The following HS6ST2 variants were observed in gnomAD, a reference collection of about 807,000 sequenced individuals.
HS6ST2 encodes the protein heparan sulfate 6-O-sulfotransferase 2.
A neutral mutation model predicts 33.0 loss-of-function variants in HS6ST2; 17 were observed. The ratio of observed to expected loss-of-function variants is 0.52; its 90% confidence interval spans 0.35 to 0.77. The LOEUF is 0.77. HS6ST2 is among the 30% of genes least tolerant of loss of function. The pLI, the probability that HS6ST2 is intolerant of heterozygous loss-of-function variation, is 0.01. For synonymous variants in HS6ST2, 248 were observed against 237.1 expected, an observed-to-expected ratio of 1.05 and a Z score of -0.42; for missense variants, 519 against 551.7, an observed-to-expected ratio of 0.94 and a Z score of 0.59.
intron 2 of HS6ST2, among the ~76,000 whole-genome samples, chrX:132,931,859 G>T (rs1337970206): frequency 2.7e-5 from 3 of 111,193 alleles, no homozygotes; most frequent in Non-Finnish European, 3.8e-5. Flanking sequence ...GCCCTTTTGG[G>T]GTTAGAACAA....
rs752222758 is a variant in HS6ST2, at chrX:132,917,190, T to C, written c.947+39618A>G. 7.2e-5 allele frequency among the ~76,000 whole-genome samples: 8 copies of C among 111,664 alleles called. No homozygotes were observed. In the East Asian group the frequency reaches 2.3e-3, roughly 32 times the overall value. ...GATCTGGGGAACATAGTTTGAAAAC[T>C]ACTGGACTAGAAGATTTCTAGGGGG... is the stretch of plus-strand genomic sequence containing the variant. On this transcript the variant is annotated intron_variant, in intron 2 of 4. Transcript: ENST00000370833.
chrX:132,955,911 G>A (rs2067064824), intron 2 of HS6ST2, among the ~76,000 whole-genome samples: 1 of 112,721 alleles, frequency 8.9e-6, no homozygotes, highest in South Asian at 3.7e-4. Flanking sequence ...AGCGCCCCAT[G>A]CTGGGGCTCA....
chrX:132,771,378 C>T (rs2064897861), intron 2 of HS6ST2, among the ~76,000 whole-genome samples: 1 of 111,546 alleles, frequency 9.0e-6, no homozygotes, highest in African/African-American at 3.3e-5. Context: ...TGAATGGATA[C>T]TACCTACAAA....
intron 2 of HS6ST2, among the ~76,000 whole-genome samples, chrX:132,893,643 G>A (rs1346300425): frequency 1.8e-5 from 2 of 111,819 alleles, no homozygotes; most frequent in Admixed American, 9.5e-5. Flanking sequence ...TTCCCAGGCT[G>A]GGAGACATTC....
At chrX:132,754,462 G>A (rs1172402314) in intron 2 of HS6ST2, among the ~76,000 whole-genome samples, 2 of 106,635 alleles carry the variant, frequency 1.9e-5, no homozygotes, top group Non-Finnish European at 3.9e-5. Context: ...TGTCGCCCAG[G>A]TTGGAGTGCA....
chrX:132,784,304 C>CTTGTTTGT (rs763187044), intron 2 of HS6ST2, among the ~76,000 whole-genome samples: 1 of 110,740 alleles, frequency 9.0e-6, no homozygotes, highest in Non-Finnish European at 1.9e-5. Flanking sequence ...TCTCTTTTTG[C>CTTGTTTGT]TTGTTTGTTT....
At chrX:132,828,815 T>C (rs1363520832) in intron 2 of HS6ST2, among the ~76,000 whole-genome samples, 2 of 102,079 alleles carry the variant, frequency 2.0e-5, no homozygotes, top group Non-Finnish European at 3.9e-5. Context: ...TTTAAGTATA[T>C]ATATGCTGTA....
chrX:132,849,507 C>T (rs961637000), intron 2 of HS6ST2, among the ~76,000 whole-genome samples: 3 of 111,918 alleles, frequency 2.7e-5, no homozygotes, highest in Admixed American at 9.5e-5. Context: ...GTACTGCAAA[C>T]ATTAGCACAA....
chrX:132,913,936 T>C (rs2066559375), intron 2 of HS6ST2, among the ~76,000 whole-genome samples: 1 of 111,753 alleles, frequency 8.9e-6, no homozygotes, highest in Non-Finnish European at 1.9e-5. Flanking sequence ...GGATTATATA[T>C]TGTCCTGGCA....
At chrX:132,718,339 G>A (rs190680116) in intron 2 of HS6ST2, among the ~76,000 whole-genome samples, 4 of 111,644 alleles carry the variant, frequency 3.6e-5, no homozygotes, top group East Asian at 2.8e-4. Context: ...TGAGGTAGGC[G>A]GCATTCTTCT....
intron 3 of HS6ST2, among the ~76,000 whole-genome samples, chrX:132,695,894 T>A (rs2148234743): frequency 8.9e-6 from 1 of 111,893 alleles, no homozygotes; most frequent in South Asian, 3.8e-4. Flanking sequence ...TGGACAAGAA[T>A]ATGCATGGTA....
intron 2 of HS6ST2, among the ~76,000 whole-genome samples, chrX:132,794,533 AC>A (rs1388392870): frequency 9.3e-6 from 1 of 107,231 alleles, no homozygotes; most frequent in Non-Finnish European, 1.9e-5. Context: ...AGCTGGGACT[AC>A]AGGTGCATTT....
intron 4 of HS6ST2, among the ~76,000 whole-genome samples, chrX:132,643,933 G>A (rs962469955): frequency 8.9e-6 from 1 of 111,813 alleles, no homozygotes; most frequent in African/African-American, 3.3e-5. Flanking sequence ...ATCTGCTTGC[G>A]TGCTGCGTGA....
chrX:132,843,388 A>G (rs1424872944), intron 2 of HS6ST2, among the ~76,000 whole-genome samples: 1 of 112,184 alleles, frequency 8.9e-6, no homozygotes, highest in African/African-American at 3.2e-5. Context: ...TTGCAAAGCA[A>G]CAAGAATAAT....
At chrX:132,719,964 G>A (rs1225663631) in intron 2 of HS6ST2, among the ~76,000 whole-genome samples, 1 of 112,427 alleles carries the variant, frequency 8.9e-6, no homozygotes, top group African/African-American at 3.2e-5. Flanking sequence ...CTGTCTGACT[G>A]TGACATCCAA....
chrX:132,841,507 C>T (rs984139100), intron 2 of HS6ST2, among the ~76,000 whole-genome samples: 2 of 111,401 alleles, frequency 1.8e-5, no homozygotes, highest in Non-Finnish European at 3.8e-5. Flanking sequence ...GAAAATGAAG[C>T]TTATTATGGG....
At chrX:132,840,667 T>C (rs961948850) in intron 2 of HS6ST2, among the ~76,000 whole-genome samples, 1 of 111,716 alleles carries the variant, frequency 9.0e-6, no homozygotes, top group Non-Finnish European at 1.9e-5. Context: ...CTTTTTTTCT[T>C]CTTCCTACTT....
chrX:132,834,164 C>T (rs2065619283), intron 2 of HS6ST2, among the ~76,000 whole-genome samples: 1 of 111,462 alleles, frequency 9.0e-6, no homozygotes, highest in Non-Finnish European at 1.9e-5. Flanking sequence ...CATTTAAATG[C>T]CATCCACCTG....
intron 4 of HS6ST2, among the ~76,000 whole-genome samples, chrX:132,659,269 G>C (rs747250500): frequency 5.7e-4 from 64 of 112,309 alleles, no homozygotes; most frequent in African/African-American, 1.9e-3. Flanking sequence ...TCAGTGAGCT[G>C]AGTCCAGCCT....
Sources: gnomAD v4.1 joint callset for allele counts (sites outside exome capture counted in the v4.1 genomes callset) on GRCh38, gnomAD v4.1.1 for gene constraint, MANE v1.5 for transcripts, NCBI Gene and HGNC (gene_info 2026-07-23, HGNC 2026-07-21) for gene names.